SHTN1: variants seen among roughly 807,000 people sequenced by gnomAD.
SHTN1 encodes the protein shootin-1.
A neutral mutation model predicts 83.1 loss-of-function variants in SHTN1; 42 were observed. That is an observed-to-expected ratio of 0.51 (90% CI 0.39 to 0.65). The LOEUF (loss-of-function observed/expected upper bound fraction) is 0.65. SHTN1 is among the 30% of genes least tolerant of loss of function. The pLI is 0.00. For synonymous variants in SHTN1, 224 were observed against 247.7 expected, an observed-to-expected ratio of 0.90 and a Z score of 0.90; for missense variants, 622 against 737.8, an observed-to-expected ratio of 0.84 and a Z score of 1.82.
At chr10:116,963,417 C>T (rs1850275977) in intron 3 of SHTN1, among the ~76,000 whole-genome samples, 1 of 151,866 alleles carries the variant, frequency 6.6e-6, no homozygotes, top group Non-Finnish European at 1.5e-5. Flanking sequence ...TAATAATTTG[C>T]CCTATGGTTC....
chr10:117,043,851 A>C (rs911478795), intron 2 of SHTN1, among the ~76,000 whole-genome samples: 2 of 152,160 alleles, frequency 1.3e-5, no homozygotes, highest in Non-Finnish European at 2.9e-5. Flanking sequence ...CAATAAATAA[A>C]TAAATAAACA....
At chr10:116,968,546 T>C (rs540973698) in intron 3 of SHTN1, 106 bp downstream of exon 3, 3 of 741,618 alleles carry the variant, frequency 4.0e-6, no homozygotes, top group East Asian at 5.4e-5. Flanking sequence ...CTTGCTTTCT[T>C]GATTGTATGA....
chr10:116,907,954 G>A (rs1447008349), intron 14 of SHTN1: 1 of 511,782 alleles, frequency 2.0e-6, no homozygotes, highest in South Asian at 1.4e-5. Context: ...GGCTAAAAAT[G>A]GTTGTTTTAG....
At chr10:116,953,491 T>C (rs1049909147) in intron 5 of SHTN1, among the ~76,000 whole-genome samples, 38 of 152,198 alleles carry the variant, frequency 2.5e-4, no homozygotes, top group African/African-American at 8.4e-4. Context: ...TTTGGAGATA[T>C]AAATAAATGA....
At chr10:116,968,897 T>C (rs147347642) in intron 2 of SHTN1, among the ~76,000 whole-genome samples, 185 bp from the exon 3 acceptor site, 180 of 152,364 alleles carry the variant, frequency 1.2e-3, no homozygotes, top group African/African-American at 4.1e-3. Flanking sequence ...GTTTGTGCCA[T>C]TTGTATCTGG....
chr10:116,987,684 T>C (rs1373596549), intron 1 of SHTN1, among the ~76,000 whole-genome samples: 2 of 151,840 alleles, frequency 1.3e-5, no homozygotes, highest in Non-Finnish European at 2.9e-5. Flanking sequence ...TGGGAGGCCT[T>C]GGTGGGCGGA....
intron 1 of SHTN1, among the ~76,000 whole-genome samples, chr10:117,061,717 T>C (rs1167777174): frequency 6.6e-6 from 1 of 151,880 alleles, no homozygotes; most frequent in Non-Finnish European, 1.5e-5. Flanking sequence ...GTGATCCGCC[T>C]GCCTTGGCCT....
At chr10:116,964,062 C>T (rs538992037) in intron 3 of SHTN1, among the ~76,000 whole-genome samples, 2 of 151,700 alleles carry the variant, frequency 1.3e-5, no homozygotes, top group Non-Finnish European at 2.9e-5. Context: ...TCTCTTGCAC[C>T]TAGCACAATG....
chr10:117,010,388 A>T (rs1425292240), upstream of SHTN1, among the ~76,000 whole-genome samples: 1 of 152,104 alleles, frequency 6.6e-6, no homozygotes, highest in African/African-American at 2.4e-5. Context: ...CAGAACTATT[A>T]TAAGTAGAGT....
intron 1 of SHTN1, among the ~76,000 whole-genome samples, chr10:117,107,917 C>T (rs753017678): frequency 7.9e-5 from 12 of 152,176 alleles, no homozygotes; most frequent in Non-Finnish European, 1.3e-4. Context: ...CCTCAAACTC[C>T]TGGACTCAAG....
chr10:117,085,653 A>C (rs1159171863), intron 1 of SHTN1, among the ~76,000 whole-genome samples: 1 of 152,164 alleles, frequency 6.6e-6, no homozygotes, highest in Non-Finnish European at 1.5e-5. Flanking sequence ...GATGGGGTTC[A>C]GTTCAACTAT....
intron 11 of SHTN1, among the ~76,000 whole-genome samples, 182 bp downstream of exon 11, chr10:116,927,610 G>A (rs1263541197): frequency 2.0e-5 from 3 of 152,138 alleles, no homozygotes; most frequent in Admixed American, 6.5e-5. Flanking sequence ...GAGAATTGTG[G>A]GAGCTACAAT....
intron 1 of SHTN1, among the ~76,000 whole-genome samples, chr10:117,076,935 A>T (rs1287852920): frequency 6.6e-6 from 1 of 152,190 alleles, no homozygotes; most frequent in Non-Finnish European, 1.5e-5. Flanking sequence ...ATAAAAGTTC[A>T]TTAGTGTTGC....
intron 16 of SHTN1, among the ~76,000 whole-genome samples, chr10:116,889,848 T>A (rs1847280821): frequency 6.6e-6 from 1 of 152,218 alleles, no homozygotes. Context: ...TAGTTTTAAT[T>A]TTTCCCCTGT....
At chr10:116,901,327 G>A (rs1847726392) in intron 16 of SHTN1, 1 of 984,842 alleles carries the variant, frequency 1.0e-6, no homozygotes, top group Non-Finnish European at 1.2e-6. Context: ...AGCAATATTA[G>A]GCACATCTTT....
intron 1 of SHTN1, among the ~76,000 whole-genome samples, chr10:117,120,309 G>A (rs1268766418): frequency 1.3e-5 from 2 of 150,344 alleles, no homozygotes; most frequent in Non-Finnish European, 1.5e-5. Flanking sequence ...GTGCAGGGGC[G>A]TGATCTCGGC....
At chr10:117,103,531 T>C (rs201496660) in intron 1 of SHTN1, among the ~76,000 whole-genome samples, 4 of 4,252 alleles carry the variant, frequency 9.4e-4, no homozygotes, top group South Asian at 4.0e-3. Context: ...CTCCCCTCTC[T>C]TTTTTTTTTT....
chr10:116,986,223 G>A (rs1293422275), intron 1 of SHTN1, among the ~76,000 whole-genome samples: 1 of 152,036 alleles, frequency 6.6e-6, no homozygotes, highest in East Asian at 1.9e-4. Flanking sequence ...ACAACAAAAA[G>A]TAAAAACAAA....
chr10:116,906,042 T>C (rs1222368515), intron 15 of SHTN1, among the ~76,000 whole-genome samples: 2 of 152,250 alleles, frequency 1.3e-5, no homozygotes, highest in African/African-American at 2.4e-5. Flanking sequence ...AGTTAATGGA[T>C]ACAAAGAGTA....
Sources: gnomAD v4.1 joint callset for allele counts (sites outside exome capture counted in the v4.1 genomes callset) on GRCh38, gnomAD v4.1.1 for gene constraint, MANE v1.5 for transcripts, NCBI Gene and HGNC (gene_info 2026-07-23, HGNC 2026-07-21) for gene names.